Variants in KIF21A observed in about 807,000 individuals in gnomAD.
The protein encoded by KIF21A is kinesin family member 21A.
Under a neutral mutation model 202.9 loss-of-function variants are expected in KIF21A, and 114 were observed. The observed-to-expected ratio is 0.56, with a 90% CI of 0.48 to 0.66. The LOEUF (loss-of-function observed/expected upper bound fraction) is 0.66. Among genes scored for constraint, KIF21A ranks in the 30% least tolerant of loss-of-function variants. KIF21A has a pLI of 0.00. For synonymous variants in KIF21A, 667 were observed against 670.8 expected, an observed-to-expected ratio of 0.99 and a Z score of 0.09; for missense variants, 1,677 against 1,994.9, an observed-to-expected ratio of 0.84 and a Z score of 3.04.
chr12:39,401,214 G>A (rs1952150323), intron 1 of KIF21A, among the ~76,000 whole-genome samples: 1 of 152,092 alleles, frequency 6.6e-6, no homozygotes, highest in Admixed American at 6.6e-5. Flanking sequence ...TGAGGTAAAG[G>A]CCAGACAGTA....
chr12:39,323,062 T>C (rs894124350), intron 26 of KIF21A, among the ~76,000 whole-genome samples, 180 bp from the exon 27 acceptor site: 8 of 130,700 alleles, frequency 6.1e-5, no homozygotes, highest in African/African-American at 1.9e-4. Context: ...GATAAACCTT[T>C]AGAGGCCAAA....
intron 1 of KIF21A, among the ~76,000 whole-genome samples, chr12:39,376,796 C>T (rs1180697040): frequency 2.0e-5 from 3 of 152,102 alleles, no homozygotes; most frequent in Non-Finnish European, 4.4e-5. Flanking sequence ...ACTCCTACCC[C>T]TTCTATTCCT....
Position 39,333,237 on chromosome 12 carries a change from A to G in KIF21A, c.2462T>C (p.Val821Ala), listed in dbSNP as rs745745130. The change falls in exon 18 of 38, where the codon GTG (valine) becomes GCG (alanine). Residue 821 changes from valine to alanine, a missense_variant. Physicochemically the swap from Val to Ala is moderately conservative, Grantham distance 64. Around this residue, in one of 3 missense-constraint regions of KIF21A, gnomAD observed 966 missense variants for 1,180.9 expected, o/e 0.82. Coordinates refer to ENST00000361418, the MANE Select transcript of KIF21A (RefSeq NM_001173464.2). Reference sequence around the variant, plus strand: ...CTCTTCAGTTTTGCGACGTAGAACCACTTCTTGGTTTCTTTTTTGGGCTTC... The same window carrying G: ...CTCTTCAGTTTTGCGACGTAGAACCGCTTCTTGGTTTCTTTTTTGGGCTTC... ...LLEAQKRNQEVVLRRKTEEVT... is the reference protein window; with the variant it reads ...LLEAQKRNQEAVLRRKTEEVT... The G allele has an allele frequency of 6.2e-7, 1 of 1,613,846 alleles. No individual in the cohort carries two copies. The highest frequency in any genetic ancestry group is 8.5e-7 in the Non-Finnish European group (1 of 1,179,738).
At chr12:39,316,066 G>A (rs1211635335) in intron 29 of KIF21A, 96 bp from the exon 30 acceptor site, 1 of 824,350 alleles carries the variant, frequency 1.2e-6, no homozygotes, top group Non-Finnish European at 2.2e-6. Context: ...ATGAATAACA[G>A]ATATATAGCA....
intron 9 of KIF21A, 41 bp downstream of exon 9, chr12:39,357,207 C>T (rs1423425033): frequency 3.2e-6 from 5 of 1,556,398 alleles, no homozygotes; most frequent in Non-Finnish European, 4.4e-6. Flanking sequence ...TCCCTGCCCT[C>T]CAGAAGTTAA....
chr12:39,379,151 G>A lies in KIF21A; in HGVS notation c.45-8890C>T, dbSNP rs185440073. ...TCGAGACCACCCTGGCCAATATGGTGAAACCCCATCTCTACTAAAAATACA... is the reference window on the plus strand; with the variant it reads ...TCGAGACCACCCTGGCCAATATGGTAAAACCCCATCTCTACTAAAAATACA... On this transcript the variant is annotated intron_variant, in intron 1 of 37. Coordinates refer to ENST00000361418, the MANE Select transcript of KIF21A (RefSeq NM_001173464.2). 4.2e-3 allele frequency among the ~76,000 whole-genome samples: 636 copies of A among 152,118 alleles called. 7 individuals are homozygous for A. The highest frequency in any genetic ancestry group is 0.015 in the African/African-American group (621 of 41,494).
chr12:39,366,588 G>T (rs1000358990), intron 5 of KIF21A, 71 bp from the exon 6 acceptor site: 4 of 1,176,632 alleles, frequency 3.4e-6, no homozygotes, highest in African/African-American at 1.5e-5. Context: ...CCTACCTTGC[G>T]CTTATCCCAT....
In KIF21A at chr12:39,363,079, G is replaced by T. The variant is rs754715824; in HGVS notation, c.1019+19C>A. ...TGAATAATCAAAAGTCTGAGTAGAG[G>T]ATAATCATCTATGCATACCTATTAC... On this transcript the variant is annotated intron_variant, in intron 7 of 37. Transcript: ENST00000361418. The T allele has an allele frequency of 2.2e-6, 3 of 1,374,590 alleles. No homozygotes were observed. The highest frequency in any genetic ancestry group is 1.7e-5 in the Admixed American group (1 of 59,682). 85.1% of individuals were successfully genotyped at this position (1,374,590 alleles called of 1,614,324 possible). A position where few individuals can be genotyped will look rare whatever the true frequency, so the allele number is the denominator to read the frequency against.
At chr12:39,346,078 T>C (rs1947866372) in intron 12 of KIF21A, among the ~76,000 whole-genome samples, 1 of 152,006 alleles carries the variant, frequency 6.6e-6, no homozygotes, top group African/African-American at 2.4e-5. Flanking sequence ...CAACAAAATG[T>C]CAATTTCCAC....
chr12:39,352,632 T>C (rs1425221656), intron 10 of KIF21A, among the ~76,000 whole-genome samples: 1 of 152,158 alleles, frequency 6.6e-6, no homozygotes, highest in African/African-American at 2.4e-5. Context: ...TCCTCATTCA[T>C]CACACAATAG....
chr12:39,324,247 CA>C (rs1945613035), intron 26 of KIF21A, among the ~76,000 whole-genome samples: 1 of 152,118 alleles, frequency 6.6e-6, no homozygotes, highest in African/African-American at 2.4e-5. Context: ...TCTCCACAGC[CA>C]AGAACCTAGA....
At chr12:39,362,022 A>G (rs989722702) in intron 7 of KIF21A, among the ~76,000 whole-genome samples, 6 of 152,066 alleles carry the variant, frequency 3.9e-5, no homozygotes, top group Non-Finnish European at 7.4e-5. Context: ...TTCTCATGAT[A>G]GAGTTCTCAG....
At chr12:39,421,067 C>T (rs1266201164) in intron 1 of KIF21A, among the ~76,000 whole-genome samples, 6 of 152,206 alleles carry the variant, frequency 3.9e-5, no homozygotes. Flanking sequence ...GCATATTCAA[C>T]AGTGGTCGCT....
chr12:39,318,256 G>C (rs761530793), intron 28 of KIF21A, 55 bp from the exon 29 acceptor site: 2 of 1,557,088 alleles, frequency 1.3e-6, no homozygotes, highest in South Asian at 2.2e-5. Context: ...TGATTTGTTA[G>C]AAAAGTTATA....
chr12:39,440,010 T>G (rs1939344191), intron 1 of KIF21A, among the ~76,000 whole-genome samples: 3 of 152,232 alleles, frequency 2.0e-5, no homozygotes, highest in Admixed American at 6.5e-5. Flanking sequence ...GCTTTTGATT[T>G]TGTATATAGA....
chr12:39,311,372 T>TAAA lies in KIF21A; in HGVS notation c.4096+42_4096+44dup, dbSNP rs78152306. On this transcript the variant is annotated intron_variant, in intron 32 of 37. Transcript: ENST00000361418. Reference sequence around the variant, plus strand: ...AATATGTTAAAAATGTAATTTTTTTTAAAAAAAAAGCTATTAAATATCTGC... The same window carrying TAAA: ...AATATGTTAAAAATGTAATTTTTTTTAAAAAAAAAAAAGCTATTAAATATCTGC... 1,595 of 1,520,634 alleles carry TAAA rather than the reference T, an allele frequency of 1.0e-3. 8 individuals carry two copies. In the African/African-American group the frequency reaches 0.019, roughly 19 times the overall value. The allele number at this position is 1,520,634 out of a possible 1,614,324, so 94.2% of individuals were successfully genotyped here.
chr12:39,403,535 A>C (rs1952343860), intron 1 of KIF21A, among the ~76,000 whole-genome samples: 1 of 152,196 alleles, frequency 6.6e-6, no homozygotes, highest in Admixed American at 6.5e-5. Flanking sequence ...TGTTCTAGTG[A>C]ATCTCAGCTG....
chr12:39,374,943 T>C (rs1950175815), intron 1 of KIF21A, among the ~76,000 whole-genome samples: 1 of 152,190 alleles, frequency 6.6e-6, no homozygotes, highest in Non-Finnish European at 1.5e-5. Flanking sequence ...TTCTTATTGT[T>C]TGTTCCTTAT....
chr12:39,364,581 G>C (rs1344775152), intron 6 of KIF21A, among the ~76,000 whole-genome samples: 1 of 152,052 alleles, frequency 6.6e-6, no homozygotes, highest in Non-Finnish European at 1.5e-5. Flanking sequence ...CCCCATAGAC[G>C]GATCATAATC....
Sources: gnomAD v4.1 joint callset for allele counts (sites outside exome capture counted in the v4.1 genomes callset) on GRCh38, gnomAD v4.1.1 for gene constraint, gnomAD v4.1.1 regional missense constraint, MANE v1.5 for transcripts, NCBI Gene and HGNC (gene_info 2026-07-23, HGNC 2026-07-21) for gene names.